Variants in CAB39 observed in about 807,000 individuals in gnomAD.
CAB39 encodes the protein calcium-binding protein 39.
In CAB39, 8 loss-of-function variants were observed where a neutral mutation model predicts 40.0. That is an observed-to-expected ratio of 0.20 (90% CI 0.12 to 0.36). The LOEUF is 0.36. CAB39 is among the 10% of genes least tolerant of loss of function. The pLI is 1.00. For synonymous variants in CAB39, 156 were observed against 141.6 expected, an observed-to-expected ratio of 1.10 and a Z score of -0.72; for missense variants, 270 against 401.1, an observed-to-expected ratio of 0.67 and a Z score of 2.79.
chr2:230,801,766 G>T (rs1319082984), intron 5 of CAB39, among the ~76,000 whole-genome samples: 3 of 151,958 alleles, frequency 2.0e-5, no homozygotes, highest in Non-Finnish European at 2.9e-5. Context: ...CTACTCAGGA[G>T]GCTGAGGCAT....
At chr2:230,803,962 C>T (rs908751905) in intron 5 of CAB39, among the ~76,000 whole-genome samples, 6 of 152,152 alleles carry the variant, frequency 3.9e-5, no homozygotes, top group Non-Finnish European at 2.9e-5. Flanking sequence ...GCACAAAGAA[C>T]AAAGCTGGAG....
intron 2 of CAB39, among the ~76,000 whole-genome samples, chr2:230,776,367 A>G (rs1695585513): frequency 6.6e-6 from 1 of 152,164 alleles, no homozygotes; most frequent in Admixed American, 6.5e-5. Context: ...TCACATAACT[A>G]TATACAATAT....
At chr2:230,803,948 G>GT (rs1432754025) in intron 5 of CAB39, among the ~76,000 whole-genome samples, 4 of 152,050 alleles carry the variant, frequency 2.6e-5, no homozygotes, top group Admixed American at 1.3e-4. Context: ...CAAGACAATC[G>GT]TAAGCACAAA....
chr2:230,776,179 G>A (rs534078371), intron 2 of CAB39, among the ~76,000 whole-genome samples: 2 of 152,276 alleles, frequency 1.3e-5, no homozygotes, highest in South Asian at 2.1e-4. Context: ...AATGAAAAGG[G>A]CCTTATAGAC....
At chr2:230,791,208 C>T (rs1178244665) in intron 3 of CAB39, among the ~76,000 whole-genome samples, 172 bp downstream of exon 3, 1 of 152,162 alleles carries the variant, frequency 6.6e-6, no homozygotes, top group Non-Finnish European at 1.5e-5. Flanking sequence ...AAGGCAGGAA[C>T]CCAGGGGTGT....
chr2:230,782,064 C>T (rs56055207), intron 2 of CAB39, among the ~76,000 whole-genome samples: 4,913 of 152,172 alleles, frequency 0.032, 263 homozygotes, highest in African/African-American at 0.11. Flanking sequence ...CGGGGTTTCA[C>T]CAAGTTGGCC....
rs1228241721 is a variant in CAB39 at position 230,817,906 on chromosome 2, C to G, written c.837+9C>G. 2 of 1,605,402 alleles carry G rather than the reference C, an allele frequency of 1.2e-6. No individual in the cohort carries two copies. Among genetic ancestry groups the G allele is most frequent in the Non-Finnish European group, 8.5e-7 (1 of 1,177,432 alleles). On this transcript the variant is annotated intron_variant, in intron 8 of 8. Transcript: ENST00000258418. The stretch of plus-strand genomic sequence containing the variant: ...CCTTTCACGTTTTTAAGGTAGAGTA[C>G]TAGAAGCATCAGTGATACTGTCCAC...
intron 2 of CAB39, among the ~76,000 whole-genome samples, chr2:230,773,113 GA>G (rs1027927137): frequency 1.1e-4 from 16 of 151,622 alleles, no homozygotes; most frequent in African/African-American, 3.9e-4. Flanking sequence ...CAAAACTCTA[GA>G]AAACAAAGCT....
intron 2 of CAB39, among the ~76,000 whole-genome samples, chr2:230,774,016 C>G (rs889404706): frequency 6.6e-6 from 1 of 152,036 alleles, no homozygotes; most frequent in South Asian, 2.1e-4. Flanking sequence ...TTGCAAGGTG[C>G]CTTTGTATAG....
chr2:230,737,092 A>G (rs553810232), intron 1 of CAB39, among the ~76,000 whole-genome samples: 1 of 152,290 alleles, frequency 6.6e-6, no homozygotes, highest in Admixed American at 6.5e-5. Context: ...TGTTTTCCTC[A>G]GAAACTAGTT....
rs187302783 is a variant in CAB39 at position 230,767,098 on chromosome 2, A to G, written c.114+6983A>G. On this transcript the variant is annotated intron_variant, in intron 2 of 8. Transcript: ENST00000258418. The stretch of plus-strand genomic sequence containing the variant: ...TAGTTAAAATGCCATTTCTTCCCAA[A>G]TCATGCTTAAAGCAATTCTATTCAG... Among the ~76,000 whole-genome samples the G allele has an allele frequency of 1.9e-3, 286 of 152,310 alleles. 3 individuals are homozygous for G. The highest frequency in any genetic ancestry group is 4.1e-4 in the Non-Finnish European group (28 of 68,020).
chr2:230,813,733 T>C lies in CAB39; in HGVS notation c.628-316T>C, dbSNP rs552644827. Among the ~76,000 whole-genome samples the C allele has an allele frequency of 3.9e-5, 6 of 152,124 alleles. No homozygotes were observed. In the South Asian group the frequency reaches 1.2e-3, roughly 32 times the overall value. ...GGGTATGGGAGTTAGGTTTTGTGCA[T>C]AGGGAGCTTGGGGTGACAGAGAGGC... On this transcript the variant is annotated intron_variant, in intron 6 of 8. Coordinates refer to ENST00000258418, the MANE Select transcript of CAB39 (RefSeq NM_016289.4).
intron 2 of CAB39, among the ~76,000 whole-genome samples, chr2:230,783,119 G>T (rs1023645858): frequency 5.3e-5 from 8 of 152,238 alleles, no homozygotes; most frequent in African/African-American, 1.4e-4. Context: ...GAGCCACTGC[G>T]CCCGGCCCAG....
intron 2 of CAB39, among the ~76,000 whole-genome samples, chr2:230,760,907 C>CT (rs1346918849): frequency 6.6e-6 from 1 of 152,224 alleles, no homozygotes; most frequent in Non-Finnish European, 1.5e-5. Flanking sequence ...TCTTACTGCA[C>CT]TTTCTAAAAA....
At chr2:230,740,468 C>T (rs115222577) in intron 1 of CAB39, among the ~76,000 whole-genome samples, 6 of 152,302 alleles carry the variant, frequency 3.9e-5, no homozygotes, top group Admixed American at 3.3e-4. Context: ...CCTGCTGGCA[C>T]GTCCCAAAAT....
chr2:230,718,603 A>G (rs1559586447), intron 1 of CAB39, among the ~76,000 whole-genome samples: 3 of 152,192 alleles, frequency 2.0e-5, no homozygotes, highest in Non-Finnish European at 4.4e-5. Flanking sequence ...ATAGTAGACC[A>G]TATCTGAGAG....
chr2:230,814,729 A>C, intron 7 of CAB39, among the ~76,000 whole-genome samples: 1 of 152,178 alleles, frequency 6.6e-6, no homozygotes, highest in East Asian at 1.9e-4. Context: ...AGCAGAATTA[A>C]GTAGATGCCT....
rs903658314 is a variant in CAB39 at position 230,749,026 on chromosome 2, A to G, written c.-43-10933A>G. ...GCCCCCGTGTTTTTTTTTTAAACCAATTGTTGGAGTGTTGCATTGTTGCCT... is the reference window on the plus strand; with the variant it reads ...GCCCCCGTGTTTTTTTTTTAAACCAGTTGTTGGAGTGTTGCATTGTTGCCT... On this transcript the variant is annotated intron_variant, in intron 1 of 8. Coordinates refer to ENST00000258418, the MANE Select transcript of CAB39 (RefSeq NM_016289.4). 1.0e-3 allele frequency among the ~76,000 whole-genome samples: 149 copies of G among 146,738 alleles called. 3 individuals carry two copies. Among genetic ancestry groups the G allele is most frequent in the Middle Eastern group, 3.5e-3 (1 of 282 alleles).
intron 7 of CAB39, among the ~76,000 whole-genome samples, chr2:230,815,735 C>A (rs1045403446): frequency 6.6e-6 from 1 of 152,146 alleles, no homozygotes; most frequent in Non-Finnish European, 1.5e-5. Context: ...AGGCTGAGAC[C>A]ACCATTTCCA....
Sources: allele counts gnomAD v4.1 joint callset (sites outside exome capture counted in the v4.1 genomes callset), GRCh38; gene constraint gnomAD v4.1.1; transcripts MANE v1.5; gene names NCBI Gene and HGNC (gene_info 2026-07-23, HGNC 2026-07-21).